Variants in MBTPS1 observed in about 807,000 individuals in gnomAD.
MBTPS1 encodes the protein membrane-bound transcription factor site-1 protease.
In MBTPS1, 94 loss-of-function variants were observed where a neutral mutation model predicts 127.8. That is an observed-to-expected ratio of 0.74 (90% confidence interval 0.62 to 0.87). The LOEUF is 0.87. Among genes scored for constraint, MBTPS1 ranks in the 40% least tolerant of loss-of-function variants. The probability of loss-of-function intolerance (pLI) is 0.00; values close to 1 mark genes in which losing one functional copy is unlikely to be tolerated. For synonymous variants in MBTPS1, 632 were observed against 509.4 expected, an observed-to-expected ratio of 1.24 and a Z score of -3.24; for missense variants, 1,636 against 1,353.2, an observed-to-expected ratio of 1.21 and a Z score of -3.28.
chr16:84,059,882 A>G (rs1415113608), intron 20 of MBTPS1: 1 of 153,632 alleles, frequency 6.5e-6, no homozygotes, highest in Non-Finnish European at 1.5e-5. Flanking sequence ...AACCACACGT[A>G]GCTACTGAGC....
intron 1 of MBTPS1, among the ~76,000 whole-genome samples, chr16:84,109,926 G>A (rs940015757): frequency 2.0e-5 from 3 of 152,182 alleles, no homozygotes; most frequent in Non-Finnish European, 2.9e-5. Context: ...AACACCGGGG[G>A]ATAATGGAGT....
intron 2 of MBTPS1, among the ~76,000 whole-genome samples, chr16:84,100,052 G>C (rs891298520): frequency 6.6e-6 from 1 of 152,162 alleles, no homozygotes; most frequent in East Asian, 1.9e-4. Context: ...TCAAACTTTA[G>C]AACATAAACA....
intron 21 of MBTPS1, 171 bp from the exon 22 acceptor site, chr16:84,056,306 C>T (rs1464317066): frequency 7.2e-6 from 4 of 558,806 alleles, no homozygotes; most frequent in South Asian, 2.4e-5. Flanking sequence ...CTATGGTGGC[C>T]GTTTCCACGT....
At position 84,079,602 on chromosome 16, in the gene MBTPS1, T is replaced by C. The variant is rs757415557; in HGVS notation, c.1448+2145A>G. On this transcript the variant is annotated intron_variant, in intron 11 of 22. Transcript: ENST00000343411. ...CAGTTCCAAAGCTGCTCAGTACGTA[T>C]ACACTACAACTAAGCAAATAAGCCA... is the stretch of plus-strand genomic sequence containing the variant. 5.3e-5 allele frequency among the ~76,000 whole-genome samples: 8 copies of C among 152,330 alleles called. No homozygotes were observed. In the South Asian group the frequency reaches 1.0e-3, roughly 20 times the overall value.
intron 6 of MBTPS1, among the ~76,000 whole-genome samples, chr16:84,092,769 G>A (rs1298206512): frequency 6.6e-6 from 1 of 152,218 alleles, no homozygotes; most frequent in East Asian, 1.9e-4. Flanking sequence ...ACAATGCCAG[G>A]TGTCGGGACA....
At chr16:84,104,818 G>A (rs1469288637) in intron 1 of MBTPS1, among the ~76,000 whole-genome samples, 3 of 152,016 alleles carry the variant, frequency 2.0e-5, no homozygotes, top group Non-Finnish European at 4.4e-5. Flanking sequence ...TGTAATCCTG[G>A]GTGTGATTCC....
At chr16:84,093,400 C>T in intron 5 of MBTPS1, 103 bp from the exon 6 acceptor site, 1 of 813,122 alleles carries the variant, frequency 1.2e-6, no homozygotes, top group Admixed American at 1.9e-5. Context: ...TTTCCAAGTG[C>T]TGGATAGAGG....
At chr16:84,107,868 A>AC (rs113676600) in intron 1 of MBTPS1, among the ~76,000 whole-genome samples, 1 of 133,458 alleles carries the variant, frequency 7.5e-6, no homozygotes, top group Non-Finnish European at 1.6e-5. Context: ...TGTCCAGCTA[A>AC]TTTTTTTTTT....
In MBTPS1 at chr16:84,060,562, A is replaced by G. The variant is rs370848174; in HGVS notation, c.2704+120T>C. On this transcript the variant is annotated intron_variant, in intron 20 of 22. Coordinates refer to ENST00000343411, the MANE Select transcript of MBTPS1 (RefSeq NM_003791.4). ...TGCTCTACCCGCAGCCATTACGAAAACCACTCAGCGGCGCACACAAACTGG... is the reference window on the plus strand; with the variant it reads ...TGCTCTACCCGCAGCCATTACGAAAGCCACTCAGCGGCGCACACAAACTGG... 4 of 1,188,954 alleles carry G rather than the reference A, an allele frequency of 3.4e-6. No individual in the cohort carries two copies. The East Asian group carries it at 9.8e-5, about 29-fold the overall frequency. The allele number at this position is 1,188,954 out of a possible 1,614,324, so 73.7% of individuals were successfully genotyped here.
chr16:84,059,403 C>T lies in MBTPS1; in HGVS notation c.2730G>A (p.Lys910=). The T allele has an allele frequency of 6.2e-7, 1 of 1,613,890 alleles. No individual in the cohort carries two copies. Among genetic ancestry groups the T allele is most frequent in the African/African-American group, 1.3e-5 (1 of 75,044 alleles). ...GGTCTCCCAAATGGGCCTCCAGAACCTTGGAGTACCGATGAAGATGGTTTC... is the reference window on the plus strand; with the variant it reads ...GGTCTCCCAAATGGGCCTCCAGAACTTTGGAGTACCGATGAAGATGGTTTC... The part of the protein sequence containing the change: ...MEGNHLHRYS[K]VLEAHLGDPK... Residue 910 remains lysine, a synonymous_variant, in exon 21 of 23, where the codon AAG becomes AAA. Coordinates refer to ENST00000343411, the MANE Select transcript of MBTPS1 (RefSeq NM_003791.4).
intron 1 of MBTPS1, among the ~76,000 whole-genome samples, chr16:84,116,364 G>C (rs1183777190): frequency 6.6e-6 from 1 of 152,218 alleles, no homozygotes; most frequent in Non-Finnish European, 1.5e-5. Flanking sequence ...CACAGACCGA[G>C]ATAAGGCAAA....
At position 84,101,768 on chromosome 16, in the gene MBTPS1, T is replaced by C. The variant is rs776531899; in HGVS notation, c.16A>G (p.Ile6Val). MKLVN[I>V]WLLLLVVLLC... ...AAAACCACGAGCAGAAGCAGCCAGA[T>C]GTTGACAAGCTTCATGGTCACAAGC... The change falls in exon 2 of 23, where the codon ATC becomes GTC. Residue 6 changes from isoleucine to valine, a missense_variant. Coordinates refer to ENST00000343411, the MANE Select transcript of MBTPS1 (RefSeq NM_003791.4). 3.7e-6 allele frequency: 6 copies of C among 1,613,576 alleles called. No homozygotes were observed. The highest frequency in any genetic ancestry group is 5.1e-6 in the Non-Finnish European group (6 of 1,179,738).
At position 84,101,671 on chromosome 16, in the gene MBTPS1, C is replaced by G. The variant is rs140846648; in HGVS notation, c.113G>C (p.Cys38Ser). ...TTCCACCTTCAAAGTCAGGTGGGAA[C>G]AGCCAGGGCATGGGGCCTTTTCAAA... ...KSFEKAPCPG[C>S]SHLTLKVEFS... Residue 38 changes from cysteine (C) to serine (S), a missense_variant, in exon 2 of 23, where the codon TGT becomes TCT. Transcript: ENST00000343411. 2 of 1,613,978 alleles carry G rather than the reference C, an allele frequency of 1.2e-6. No homozygotes were observed. The highest frequency in any genetic ancestry group is 2.7e-5 in the African/African-American group (2 of 74,924).
intron 17 of MBTPS1, 78 bp downstream of exon 17, chr16:84,066,411 T>A: frequency 6.9e-7 from 1 of 1,452,014 alleles, no homozygotes; most frequent in South Asian, 1.4e-5. Flanking sequence ...ATTCTCTTTC[T>A]CAAGAAATCT....
chr16:84,106,427 G>T (rs1318938395), intron 1 of MBTPS1, among the ~76,000 whole-genome samples: 1 of 152,214 alleles, frequency 6.6e-6, no homozygotes, highest in Non-Finnish European at 1.5e-5. Context: ...GTGAAGGCCT[G>T]AAGGATGCAG....
intron 19 of MBTPS1, among the ~76,000 whole-genome samples, chr16:84,062,269 C>G (rs8052114): frequency 0.019 from 2,915 of 152,226 alleles, 44 homozygotes; most frequent in Non-Finnish European, 0.021. Context: ...TACAGGCACA[C>G]GCCACCACGC....
intron 3 of MBTPS1, 95 bp downstream of exon 3, chr16:84,098,958 G>A (rs1193686284): frequency 2.5e-6 from 3 of 1,192,944 alleles, no homozygotes; most frequent in African/African-American, 3.0e-5. Context: ...ATGGAAGGAT[G>A]CGGATACTCA....
At chr16:84,115,174 G>A (rs181150327) in intron 1 of MBTPS1, among the ~76,000 whole-genome samples, 2 of 152,062 alleles carry the variant, frequency 1.3e-5, no homozygotes, top group Non-Finnish European at 2.9e-5. Flanking sequence ...TGATCCGCCC[G>A]CCTCGGCCTC....
rs562200642 is a variant in MBTPS1, at chr16:84,100,999, C to CAAAAA, written c.163+617_163+621dup. ...TGAAACCCCGTCTCTACTAAAAATACAAAAAAAAAAAAAAAAAAAGGCCTG... is the reference window on the plus strand; with the variant it reads ...TGAAACCCCGTCTCTACTAAAAATACAAAAAAAAAAAAAAAAAAAAAAAAGGCCTG... On this transcript the variant is annotated intron_variant, in intron 2 of 22. Coordinates refer to ENST00000343411, the MANE Select transcript of MBTPS1 (RefSeq NM_003791.4). 3.8e-3 allele frequency among the ~76,000 whole-genome samples: 263 copies of CAAAAA among 68,542 alleles called. 8 individuals are homozygous for CAAAAA. The highest frequency in any genetic ancestry group is 0.013 in the African/African-American group (234 of 17,842). 45.0% of individuals were successfully genotyped at this position (68,542 alleles called of 152,430 possible). A position where few individuals can be genotyped will look rare whatever the true frequency, so the allele number is the denominator to read the frequency against.
Sources: gnomAD v4.1 joint callset for allele counts (sites outside exome capture counted in the v4.1 genomes callset) on GRCh38, gnomAD v4.1.1 for gene constraint, MANE v1.5 for transcripts, NCBI Gene and HGNC (gene_info 2026-07-23, HGNC 2026-07-21) for gene names.